Variants in CENPI observed in about 807,000 individuals in gnomAD.
CENPI encodes the protein FSH primary response 1.
In CENPI, 4 loss-of-function variants were observed where a neutral mutation model predicts 60.4. That is an observed-to-expected ratio of 0.07 (90% CI 0.03 to 0.15). The LOEUF (loss-of-function observed/expected upper bound fraction) is 0.15. Among genes scored for constraint, CENPI ranks in the 10% least tolerant of loss-of-function variants. CENPI has a pLI of 1.00. For synonymous variants in CENPI, 157 were observed against 189.4 expected (o/e 0.83, Z 1.40); for missense variants, 444 against 534.5 (o/e 0.83, Z 1.67).
the CENPI span, among the ~76,000 whole-genome samples, chrX:101,176,402 G>A: frequency 1.8e-5 from 2 of 110,676 alleles, no homozygotes; most frequent in African/African-American, 6.6e-5. Flanking sequence ...CCCACCAAGA[G>A]TGTATAAGCA....
rs374234114 is a variant in CENPI at position 101,101,536 on chromosome X, C to CT, written c.226+251dup. 6.0e-4 allele frequency among the ~76,000 whole-genome samples: 63 copies of CT among 104,766 alleles called. No homozygotes were observed. The East Asian group carries it at 8.0e-3, about 13-fold the overall frequency. The allele number at this position is 104,766 out of a possible 115,157, so 91.0% of individuals were successfully genotyped here. ...TGGGATCACTTGAGAACCTTTTTTT[C>CT]TTTTTTTTTTTCCTCCCTCTCTACC... On this transcript the variant is annotated intron_variant, in intron 3 of 21. Coordinates refer to ENST00000682095, the MANE Select transcript of CENPI (RefSeq NM_001386188.2).
At chrX:101,102,496 T>TACACACACACACACACACACACAC (rs35162075) in intron 4 of CENPI, 85 bp downstream of exon 4, 11 of 251,642 alleles carry the variant, frequency 4.4e-5, no homozygotes, top group African/African-American at 2.8e-4. Flanking sequence ...TATATATATA[T>TACACACACACACACACACACACAC]ACACACACAC....
rs144007679 is a variant in CENPI at position 101,112,370 on chromosome X, A to T, written c.591+2372A>T. 4.7e-3 allele frequency among the ~76,000 whole-genome samples: 522 copies of T among 112,085 alleles called. 5 individuals carry two copies. Among genetic ancestry groups the T allele is most frequent in the Admixed American group, 0.023 (240 of 10,447 alleles). On this transcript the variant is annotated intron_variant, in intron 6 of 21. Transcript: ENST00000682095. ...GCCAATATTTTCCAGATGAACAAGT[A>T]CGATGTTCTAAATTCATACATGGAT...
intron 20 of CENPI, among the ~76,000 whole-genome samples, chrX:101,157,315 G>A (rs769015152): frequency 6.3e-5 from 7 of 111,160 alleles, no homozygotes; most frequent in Non-Finnish European, 1.1e-4. Flanking sequence ...TTAACTCAAA[G>A]AGGTGGAGTA....
chrX:101,126,424 G>C (rs2089735993), intron 8 of CENPI, among the ~76,000 whole-genome samples: 1 of 111,763 alleles, frequency 8.9e-6, no homozygotes, highest in African/African-American at 3.3e-5. Context: ...ATGCTAGTAA[G>C]TATGACTGGT....
At chrX:101,099,873 G>A (rs1454078110) in intron 2 of CENPI, 2 of 99,603 alleles carry the variant, frequency 2.0e-5, no homozygotes, top group African/African-American at 7.5e-5. Context: ...CTGCAGCCTC[G>A]ACCCCCGGGG....
chrX:101,131,510 G>C (rs1430804229), intron 13 of CENPI, among the ~76,000 whole-genome samples: 1 of 111,808 alleles, frequency 8.9e-6, no homozygotes, highest in East Asian at 2.8e-4. Context: ...CATCAAAGCG[G>C]TCATATCCAG....
intron 11 of CENPI, among the ~76,000 whole-genome samples, chrX:101,128,298 A>G (rs746810070): frequency 6.4e-5 from 7 of 109,824 alleles, no homozygotes; most frequent in Non-Finnish European, 1.1e-4. Context: ...GCGCCATTGC[A>G]CTCCAGCCTG....
intron 6 of CENPI, among the ~76,000 whole-genome samples, chrX:101,111,570 G>C (rs1470057703): frequency 9.0e-6 from 1 of 111,149 alleles, no homozygotes; most frequent in Non-Finnish European, 1.9e-5. Context: ...AAATGAAGCA[G>C]TAAAAATTAA....
intron 6 of CENPI, among the ~76,000 whole-genome samples, chrX:101,111,232 G>C (rs755880504): frequency 6.3e-5 from 7 of 111,144 alleles, no homozygotes; most frequent in Non-Finnish European, 1.3e-4. Context: ...CTGAAGGCAG[G>C]AATACTAGTT....
intron 6 of CENPI, among the ~76,000 whole-genome samples, chrX:101,116,136 AT>A (rs1262319307): frequency 1.8e-5 from 2 of 112,022 alleles, no homozygotes; most frequent in East Asian, 5.6e-4. Flanking sequence ...CAAATAAAAA[AT>A]ATAGTGTAAT....
intron 5 of CENPI, 80 bp downstream of exon 5, chrX:101,109,671 T>C: frequency 4.1e-6 from 3 of 724,155 alleles, no homozygotes; most frequent in Non-Finnish European, 6.4e-6. Context: ...TATGAAGTAA[T>C]GGCATTGGCC....
At chrX:101,111,596 A>T (rs1195509269) in intron 6 of CENPI, among the ~76,000 whole-genome samples, 3 of 111,868 alleles carry the variant, frequency 2.7e-5, no homozygotes, top group Non-Finnish European at 5.6e-5. Context: ...TAGTTTTATT[A>T]AATCTCTACA....
chrX:101,168,440 C>T (rs1317707488), downstream of CENPI, among the ~76,000 whole-genome samples: 1 of 111,869 alleles, frequency 8.9e-6, no homozygotes, highest in African/African-American at 3.2e-5. Context: ...GTGGCGTGTG[C>T]CTGTAATCCC....
rs1324316612 is a variant in CENPI at position 101,163,331 on chromosome X, A to C, written c.*364A>C. 6.3e-6 allele frequency: 1 copy of C among 159,231 alleles called. No homozygotes were observed. The highest frequency in any genetic ancestry group is 1.2e-5 in the Non-Finnish European group (1 of 86,108). 13.1% of individuals were successfully genotyped at this position (159,231 alleles called of 1,213,427 possible). A position where few individuals can be genotyped will look rare whatever the true frequency, so the allele number is the denominator to read the frequency against. On this transcript the variant is annotated 3_prime_UTR_variant, in exon 22 of 22. Transcript: ENST00000682095. ...ATGTGGTGACAGTTAACTCACAGAC[A>C]TAAACATGCAAAATACTTTGCTGTC...
At position 101,127,516 on chromosome X, in the gene CENPI, G is replaced by T. The variant is rs1262678063; in HGVS notation, c.925G>T (p.Val309Phe). The T allele has an allele frequency of 7.6e-6, 9 of 1,188,372 alleles. No individual in the cohort carries two copies. In the East Asian group the frequency reaches 2.7e-4, roughly 35 times the overall value. ...TCTTCAGAAGTGGAATTCTCTCTCA[G>T]TTATACCAGTGCTCAATTCCAGTAG... is the stretch of plus-strand genomic sequence containing the variant. ...PLKRKWNSLSVIPVLNSSSYT... is the reference protein window; with the variant it reads ...PLKRKWNSLSFIPVLNSSSYT... Residue 309 changes from valine (V) to phenylalanine (F), a missense_variant, in exon 11 of 22, where the codon GTT (valine) becomes TTT (phenylalanine). By Grantham distance (50) the Val-to-Phe change is conservative. Coordinates refer to ENST00000682095, the MANE Select transcript of CENPI (RefSeq NM_001386188.2).
chrX:101,113,175 T>C (rs1000331022), intron 6 of CENPI, among the ~76,000 whole-genome samples: 2 of 109,345 alleles, frequency 1.8e-5, no homozygotes, highest in Non-Finnish European at 3.8e-5. Context: ...TTTTTTTCTC[T>C]TCTTGTCATA....
Position 101,146,193 on chromosome X carries a change from T to C in CENPI, c.1742T>C (p.Val581Ala). The stretch of plus-strand genomic sequence containing the variant: ...ATAAATTATAACCTTCCATTAGTGG[T>C]ATTGTTTCCTCCTGGGATCTTCTAT... ...IYINYNLPLV[V>A]LFPPGIFYSA... Residue 581 changes from valine (V) to alanine (A), a missense_variant, in exon 18 of 22, where the codon GTA becomes GCA. Coordinates refer to ENST00000682095, the MANE Select transcript of CENPI (RefSeq NM_001386188.2). The C allele has an allele frequency of 8.4e-7, 1 of 1,196,962 alleles. No individual in the cohort carries two copies. Among genetic ancestry groups the C allele is most frequent in the Non-Finnish European group, 1.1e-6 (1 of 882,361 alleles).
At chrX:101,172,188 A>T in the CENPI span, among the ~76,000 whole-genome samples, 1 of 112,015 alleles carries the variant, frequency 8.9e-6, no homozygotes, top group Non-Finnish European at 1.9e-5. Context: ...GAATTGAAAT[A>T]GTCATGTATT....
Sources: allele counts gnomAD v4.1 joint callset (sites outside exome capture counted in the v4.1 genomes callset), GRCh38; gene constraint gnomAD v4.1.1; transcripts MANE v1.5; gene names NCBI Gene and HGNC (gene_info 2026-07-23, HGNC 2026-07-21).